The following MYRFL variants were observed in gnomAD, a reference collection of about 807,000 sequenced individuals.
MYRFL encodes myelin regulatory factor-like protein.
Under a neutral mutation model 109.4 loss-of-function variants are expected in MYRFL, and 88 were observed. The observed-to-expected ratio is 0.80, with a 90% CI of 0.68 to 0.96. MYRFL has a LOEUF of 0.96. MYRFL is among the 40% of genes least tolerant of loss of function. The probability of loss-of-function intolerance (pLI) is 0.00; values close to 1 mark genes in which losing one functional copy is unlikely to be tolerated. For synonymous variants in MYRFL, 324 were observed against 320.9 expected (o/e 1.01, Z -0.10); for missense variants, 957 against 954.9 (o/e 1.00, Z -0.03).
At chr12:69,912,382 G>C (rs1423769862) in intron 13 of MYRFL, among the ~76,000 whole-genome samples, 16 of 152,116 alleles carry the variant, frequency 1.1e-4, no homozygotes, top group Admixed American at 7.9e-4. Flanking sequence ...CGTTCATCAT[G>C]TTATACAACC....
intron 1 of MYRFL, among the ~76,000 whole-genome samples, chr12:69,836,638 T>C (rs908027135): frequency 1.5e-4 from 23 of 152,178 alleles, no homozygotes; most frequent in African/African-American, 5.1e-4. Flanking sequence ...AAATCTATTA[T>C]CCATCCATCT....
chr12:69,942,450 A>C (rs1419125049), intron 19 of MYRFL, among the ~76,000 whole-genome samples: 1 of 151,070 alleles, frequency 6.6e-6, no homozygotes, highest in African/African-American at 2.4e-5. Flanking sequence ...GATTATCTCA[A>C]TAGATGCAGA....
At chr12:69,919,027 T>C (rs1433153520) in intron 13 of MYRFL, among the ~76,000 whole-genome samples, 2 of 152,224 alleles carry the variant, frequency 1.3e-5, no homozygotes, top group African/African-American at 4.8e-5. Flanking sequence ...CACTAGAAGA[T>C]ATTCTCTATG....
intron 11 of MYRFL, among the ~76,000 whole-genome samples, chr12:69,907,234 G>A (rs1280188874): frequency 6.6e-6 from 1 of 152,306 alleles, no homozygotes; most frequent in South Asian, 2.1e-4. Context: ...CATATAAAAT[G>A]TTTAGGTCTC....
At chr12:69,878,242 C>CAAAAAAAAAAAAAAAAAAAA (rs60069243) in intron 2 of MYRFL, among the ~76,000 whole-genome samples, 1 of 112,714 alleles carries the variant, frequency 8.9e-6, no homozygotes, top group East Asian at 2.8e-4. Context: ...GACTCCATCT[C>CAAAAAAAAAAAAAAAAAAAA]AAAAAAAAAA....
At chr12:69,867,629 T>C (rs758353851) in intron 2 of MYRFL, among the ~76,000 whole-genome samples, 2 of 152,212 alleles carry the variant, frequency 1.3e-5, no homozygotes, top group Non-Finnish European at 2.9e-5. Context: ...GCATCTAATA[T>C]TATGGGTTTA....
At position 69,886,958 on chromosome 12, in the gene MYRFL, A is replaced by T. The variant is rs1318366618; in HGVS notation, c.695A>T (p.His232Leu). The change falls in exon 6 of 25, where the codon CAT becomes CTT. Residue 232 changes from histidine to leucine, a missense_variant. Physicochemically the swap from His to Leu is moderately conservative, Grantham distance 99. Coordinates refer to ENST00000552032, the MANE Select transcript of MYRFL (RefSeq NM_182530.3). ...CCTTGGCACAGCTTATTAAACAGTC[A>T]TTATGAAAAACTGTAAGTGGCTTGA... Reference protein sequence around the residue: ...SVPWHSLLNSHYEKLPDVGYR... With the variant: ...SVPWHSLLNSLYEKLPDVGYR... 6.5e-7 allele frequency: 1 copy of T among 1,535,868 alleles called. No homozygotes were observed. Among genetic ancestry groups the T allele is most frequent in the African/African-American group, 1.4e-5 (1 of 73,166 alleles).
chr12:69,877,023 CT>C (rs113649427), intron 2 of MYRFL, among the ~76,000 whole-genome samples: 23,672 of 128,348 alleles, frequency 0.18, 2,574 homozygotes, highest in African/African-American at 0.24. Flanking sequence ...TTCTTTCTTT[CT>C]TTTTTTTTTT....
chr12:69,879,276 C>T lies in MYRFL; in HGVS notation c.287C>T (p.Pro96Leu), dbSNP rs187001980. The change falls in exon 4 of 25, where the codon CCG (proline) becomes CTG (leucine). Residue 96 changes from proline (P) to leucine (L), a missense_variant. Coordinates refer to ENST00000552032, the MANE Select transcript of MYRFL (RefSeq NM_182530.3). ...FLHPTAAPAMPPMHPLQSTSG... is the reference protein window; with the variant it reads ...FLHPTAAPAMLPMHPLQSTSG... ...CACCCCACAGCTGCTCCTGCGATGCCGCCCATGCACCCGCTGCAGAGCACC... is the reference window on the plus strand; with the variant it reads ...CACCCCACAGCTGCTCCTGCGATGCTGCCCATGCACCCGCTGCAGAGCACC... 4.9e-4 allele frequency: 343 copies of T among 702,886 alleles called. 2 individuals carry two copies. The African/African-American group carries it at 5.4e-3, about 11-fold the overall frequency. 43.5% of individuals were successfully genotyped at this position (702,886 alleles called of 1,614,324 possible).
At chr12:69,834,391 T>C (rs1025705008) in intron 1 of MYRFL, among the ~76,000 whole-genome samples, 4 of 152,308 alleles carry the variant, frequency 2.6e-5, no homozygotes, top group African/African-American at 9.6e-5. Flanking sequence ...TTCCTAGGAA[T>C]CTCTGTGGTA....
At chr12:69,901,423 A>C (rs552786208) in intron 10 of MYRFL, among the ~76,000 whole-genome samples, 2 of 152,350 alleles carry the variant, frequency 1.3e-5, no homozygotes, top group African/African-American at 4.8e-5. Flanking sequence ...AATGTTGTGA[A>C]TCTGTGGCCC....
At position 69,909,955 on chromosome 12, in the gene MYRFL, TTTAA is replaced by T. The variant is rs1362860310; in HGVS notation, c.1384-9_1384-6del. On this transcript the variant is annotated splice_polypyrimidine_tract_variant and intron_variant, in intron 11 of 24. Transcript: ENST00000552032. Reference sequence around the variant, plus strand: ...TCTATGCGAGTAAAATCTGCTCTTCTTTAATTAAATTAGGTTGACACGAATGAAC... The same window carrying T: ...TCTATGCGAGTAAAATCTGCTCTTCTTTAAATTAGGTTGACACGAATGAAC... 1.8e-5 allele frequency: 27 copies of T among 1,510,144 alleles called. No homozygotes were observed. The highest frequency in any genetic ancestry group is 2.4e-5 in the Non-Finnish European group (27 of 1,133,270). The allele number at this position is 1,510,144 out of a possible 1,614,324, so 93.5% of individuals were successfully genotyped here.
intron 1 of MYRFL, among the ~76,000 whole-genome samples, chr12:69,841,423 G>C (rs12369426): frequency 6.6e-6 from 1 of 152,156 alleles, no homozygotes; most frequent in African/African-American, 2.4e-5. Context: ...TTAGGGGAAG[G>C]GAAAGTTGGG....
intron 10 of MYRFL, among the ~76,000 whole-genome samples, chr12:69,899,367 A>G (rs1954111274): frequency 6.6e-6 from 1 of 152,196 alleles, no homozygotes; most frequent in South Asian, 2.1e-4. Flanking sequence ...CACAGAATAC[A>G]TTTTTTGCCA....
At chr12:69,906,110 A>G (rs1645754742) in intron 11 of MYRFL, among the ~76,000 whole-genome samples, 1 of 152,174 alleles carries the variant, frequency 6.6e-6, no homozygotes, top group South Asian at 2.1e-4. Context: ...TAATACTACA[A>G]TTGGGGAAAA....
At chr12:69,841,702 G>T (rs749988012) in intron 1 of MYRFL, among the ~76,000 whole-genome samples, 38 of 152,090 alleles carry the variant, frequency 2.5e-4, no homozygotes, top group Non-Finnish European at 5.0e-4. Context: ...AGCTTTTCCT[G>T]GCATCTTTTT....
chr12:69,910,983 C>T (rs74101388), intron 13 of MYRFL, 53 bp downstream of exon 13: 165,213 of 1,282,256 alleles, frequency 0.13, 14,159 homozygotes, highest in African/African-American at 0.39. Context: ...AGGGATAAAC[C>T]CCCTTCTGTG....
In MYRFL at chr12:69,958,737, T is replaced by TTTGA. The variant is rs1363659617; in HGVS notation, c.*209_*212dup. On this transcript the variant is annotated 3_prime_UTR_variant, in exon 25 of 25. Coordinates refer to ENST00000552032, the MANE Select transcript of MYRFL (RefSeq NM_182530.3). ...TGCTGAAACTTGAAATAATGTGATGTTTGATTTTGCCATGACTATGAAGAA... is the reference window on the plus strand; with the variant it reads ...TGCTGAAACTTGAAATAATGTGATGTTTGATTGATTTTGCCATGACTATGAAGAA... 4 of 514,250 alleles carry TTTGA rather than the reference T, an allele frequency of 7.8e-6. No individual in the cohort carries two copies. In the African/African-American group the frequency reaches 7.9e-5, roughly 10 times the overall value. The allele number at this position is 514,250 out of a possible 1,614,324, so 31.9% of individuals were successfully genotyped here.
At chr12:69,945,596 A>G (rs1236480658) in intron 19 of MYRFL, among the ~76,000 whole-genome samples, 1 of 152,210 alleles carries the variant, frequency 6.6e-6, no homozygotes, top group Non-Finnish European at 1.5e-5. Flanking sequence ...TCACAGCATC[A>G]TGTAGTTAAG....
Sources: allele counts gnomAD v4.1 joint callset (sites outside exome capture counted in the v4.1 genomes callset), GRCh38; gene constraint gnomAD v4.1.1; transcripts MANE v1.5; gene names NCBI Gene and HGNC (gene_info 2026-07-23, HGNC 2026-07-21).